OR6Y1: variants seen among roughly 807,000 people sequenced by gnomAD.
OR6Y1 encodes the protein olfactory receptor 6Y1.
In OR6Y1, 1 loss-of-function variant was observed where a neutral mutation model predicts 0.4. The ratio of observed to expected loss-of-function variants is 2.74; its 90% confidence interval spans 0.97 to 13.02. OR6Y1 has a LOEUF of 13.02. Among genes scored for constraint, OR6Y1 ranks in the 30% most tolerant of loss-of-function variants. The pLI is 0.12. For synonymous variants in OR6Y1, 173 were observed against 141.1 expected (o/e 1.23, Z -1.60); for missense variants, 480 against 399.8 (o/e 1.20, Z -1.71).
chr1:158,552,541 T>C (rs180816743), intron 1 of OR6Y1, among the ~76,000 whole-genome samples: 464 of 152,170 alleles, frequency 3.0e-3, no homozygotes, highest in Non-Finnish European at 3.6e-3. Context: ...ATAATGGGTC[T>C]AGGAAATGAC....
chr1:158,547,747 A>G lies in OR6Y1; in HGVS notation c.359T>C (p.Leu120Pro). The G allele has an allele frequency of 6.2e-7, 1 of 1,613,656 alleles. No individual in the cohort carries two copies. Residue 120 changes from leucine to proline, a missense_variant, in exon 2 of 2, where the codon CTT becomes CCT. Physicochemically the swap from Leu to Pro is moderately conservative, Grantham distance 98 (BLOSUM62 -3). Coordinates refer to ENST00000641622, the MANE Select transcript of OR6Y1 (RefSeq NM_001005189.2). ...ATAGCGGTCAAAGGCCATGATAGCA[A>G]GAAGGATGTACTCAGTGCAGACAAA... is the stretch of plus-strand genomic sequence containing the variant. ...VTFVCTEYIL[L>P]AIMAFDRYVA...
chr1:158,548,530 T>C lies in OR6Y1; in HGVS notation c.-425A>G. ...TCTCTAGGGGCAATTTGGGTGACTC[T>C]GGAGTGGTTGCATGACCCCACTTAT... On this transcript the variant is annotated 5_prime_UTR_variant, in exon 2 of 2. Coordinates refer to ENST00000641622, the MANE Select transcript of OR6Y1 (RefSeq NM_001005189.2). The C allele has an allele frequency of 6.1e-6, 1 of 162,930 alleles. No homozygotes were observed. Among genetic ancestry groups the C allele is most frequent in the Non-Finnish European group, 1.3e-5 (1 of 74,642 alleles). 10.1% of individuals were successfully genotyped at this position (162,930 alleles called of 1,614,324 possible).
chr1:158,552,240 G>GTGTATA lies in OR6Y1; in HGVS notation c.-1433+2025_-1433+2026insTATACA, dbSNP rs1553215920. 6.2e-4 allele frequency among the ~76,000 whole-genome samples: 87 copies of GTGTATA among 139,314 alleles called. 1 individual carries two copies. Among genetic ancestry groups the GTGTATA allele is most frequent in the Middle Eastern group, 3.7e-3 (1 of 272 alleles). 91.4% of individuals were successfully genotyped at this position (139,314 alleles called of 152,430 possible). A position where few individuals can be genotyped will look rare whatever the true frequency, so the allele number is the denominator to read the frequency against. ...TATGTATGTATGGAGATATATATAT[G>GTGTATA]TATATATATATATATATATATGGCC... On this transcript the variant is annotated intron_variant, in intron 1 of 1. Coordinates refer to ENST00000641622, the MANE Select transcript of OR6Y1 (RefSeq NM_001005189.2).
rs1336676836 is a variant in OR6Y1 at position 158,544,888 on chromosome 1, A to G, written c.*2240T>C. Reference sequence around the variant, plus strand: ...ATCTAATTTTTTTTTATGGCTGCATAGTATTTCATGTTGTATATGTAGCAC... The same window carrying G: ...ATCTAATTTTTTTTTATGGCTGCATGGTATTTCATGTTGTATATGTAGCAC... On this transcript the variant is annotated 3_prime_UTR_variant, in exon 2 of 2. Coordinates refer to ENST00000641622, the MANE Select transcript of OR6Y1 (RefSeq NM_001005189.2). The G allele has an allele frequency of 1.3e-5, 2 of 152,156 alleles. No homozygotes were observed. The highest frequency in any genetic ancestry group is 2.9e-5 in the Non-Finnish European group (2 of 68,036). 9.4% of individuals were successfully genotyped at this position (152,156 alleles called of 1,614,324 possible).
chr1:158,551,460 A>G (rs1319616042), intron 1 of OR6Y1, among the ~76,000 whole-genome samples: 1 of 151,788 alleles, frequency 6.6e-6, no homozygotes, highest in Non-Finnish European at 1.5e-5. Flanking sequence ...AAACAACTAT[A>G]TAGTGGCAGA....
rs1443410068 is a variant in OR6Y1, at chr1:158,546,061, A to T, written c.*1067T>A. 2 of 152,184 alleles carry T rather than the reference A, an allele frequency of 1.3e-5. No homozygotes were observed. The highest frequency in any genetic ancestry group is 4.8e-5 in the African/African-American group (2 of 41,438). The allele number at this position is 152,184 out of a possible 1,614,324, so 9.4% of individuals were successfully genotyped here. A position where few individuals can be genotyped will look rare whatever the true frequency, so the allele number is the denominator to read the frequency against. ...TTCTTCCTTAGCTTATAGATGCATT[A>T]CTGCAGAAACATGGTTGCTCTCTGC... On this transcript the variant is annotated 3_prime_UTR_variant, in exon 2 of 2. Coordinates refer to ENST00000641622, the MANE Select transcript of OR6Y1 (RefSeq NM_001005189.2).
At chr1:158,550,521 G>A (rs1264351082) in intron 1 of OR6Y1, among the ~76,000 whole-genome samples, 1 of 151,040 alleles carries the variant, frequency 6.6e-6, no homozygotes, top group Non-Finnish European at 1.5e-5. Context: ...AAGCAGAAGA[G>A]GAAAACAATT....
intron 1 of OR6Y1, among the ~76,000 whole-genome samples, chr1:158,550,619 T>C (rs1337401806): frequency 6.6e-6 from 1 of 151,644 alleles, no homozygotes; most frequent in Non-Finnish European, 1.5e-5. Context: ...TTAAAGTTAA[T>C]GTATAAAGAG....
chr1:158,550,618 A>G (rs1647677470), intron 1 of OR6Y1, among the ~76,000 whole-genome samples: 1 of 151,652 alleles, frequency 6.6e-6, no homozygotes, highest in Admixed American at 6.6e-5. Flanking sequence ...GTTAAAGTTA[A>G]TGTATAAAGA....
Position 158,548,249 on chromosome 1 carries a change from T to A in OR6Y1, c.-144A>T. The A allele has an allele frequency of 1.3e-6, 1 of 747,576 alleles. No individual in the cohort carries two copies. 46.3% of individuals were successfully genotyped at this position (747,576 alleles called of 1,614,324 possible). On this transcript the variant is annotated 5_prime_UTR_variant, in exon 2 of 2. Transcript: ENST00000641622. Reference sequence around the variant, plus strand: ...TTTTATCTTACTGCCTCTTGAATTATGAAGAGAACCAAAGCTTTTGAGAAA... The same window carrying A: ...TTTTATCTTACTGCCTCTTGAATTAAGAAGAGAACCAAAGCTTTTGAGAAA...
Position 158,548,706 on chromosome 1 carries a change from A to T in OR6Y1, c.-601T>A, listed in dbSNP as rs1647621359. The T allele has an allele frequency of 6.6e-6, 1 of 152,376 alleles. No homozygotes were observed. The highest frequency in any genetic ancestry group is 2.1e-4 in the South Asian group (1 of 4,836). The allele number at this position is 152,376 out of a possible 1,614,324, so 9.4% of individuals were successfully genotyped here. On this transcript the variant is annotated 5_prime_UTR_variant, in exon 2 of 2. Transcript: ENST00000641622. The stretch of plus-strand genomic sequence containing the variant: ...TTCAGAGAACAAAATTGAATGGATA[A>T]CATGAAGGGTAATAGTTTCTTCAAT...
intron 1 of OR6Y1, among the ~76,000 whole-genome samples, chr1:158,551,761 C>G (rs1482920025): frequency 6.6e-6 from 1 of 151,492 alleles, no homozygotes; most frequent in Non-Finnish European, 1.5e-5. Flanking sequence ...CACACACACA[C>G]ACACAAACAC....
chr1:158,549,675 G>A (rs187469195), intron 1 of OR6Y1, 138 bp from the exon 2 acceptor site: 23 of 151,874 alleles, frequency 1.5e-4, no homozygotes, highest in Admixed American at 1.5e-3. Context: ...TATAGTTCCT[G>A]AGAAACACAT....
chr1:158,553,828 G>A (rs1032580941), intron 1 of OR6Y1, among the ~76,000 whole-genome samples: 11 of 152,106 alleles, frequency 7.2e-5, no homozygotes, highest in Non-Finnish European at 1.2e-4. Context: ...GCAGAGTTGG[G>A]CAGATGCATT....
chr1:158,546,292 A>G lies in OR6Y1; in HGVS notation c.*836T>C, dbSNP rs1256439104. On this transcript the variant is annotated 3_prime_UTR_variant, in exon 2 of 2. Coordinates refer to ENST00000641622, the MANE Select transcript of OR6Y1 (RefSeq NM_001005189.2). Reference sequence around the variant, plus strand: ...ACATACTTTTTTGGAGGGAGGGAGGAGTGGGACATAACTTTGCCCATAACA... The same window carrying G: ...ACATACTTTTTTGGAGGGAGGGAGGGGTGGGACATAACTTTGCCCATAACA... The G allele has an allele frequency of 1.3e-5, 2 of 152,158 alleles. No homozygotes were observed. Among genetic ancestry groups the G allele is most frequent in the African/African-American group, 4.8e-5 (2 of 41,424 alleles). 9.4% of individuals were successfully genotyped at this position (152,158 alleles called of 1,614,324 possible).
Position 158,546,210 on chromosome 1 carries a change from A to G in OR6Y1, c.*918T>C, listed in dbSNP as rs1325635342. ...GCAGTCAAATTTTAGCTCGATTACC[A>G]CTATAAAAACCCTACTTTCAAATAT... On this transcript the variant is annotated 3_prime_UTR_variant, in exon 2 of 2. Transcript: ENST00000641622. The G allele has an allele frequency of 6.6e-6, 1 of 151,874 alleles. No individual in the cohort carries two copies. The highest frequency in any genetic ancestry group is 2.4e-5 in the African/African-American group (1 of 41,184). The allele number at this position is 151,874 out of a possible 1,614,324, so 9.4% of individuals were successfully genotyped here. A position where few individuals can be genotyped will look rare whatever the true frequency, so the allele number is the denominator to read the frequency against.
rs1328782316 is a variant in OR6Y1 at position 158,547,174 on chromosome 1, T to G, written c.932A>C (p.His311Pro). ...EVKAALRKTI[H>P]CRGSGPQGNG... The stretch of plus-strand genomic sequence containing the variant: ...TCCCTGGGGCCCACTTCCTCTGCAA[T>G]GTATGGTCTTTCTGAGGGCTGCCTT... The change falls in exon 2 of 2, where the codon CAT becomes CCT. Residue 311 changes from histidine (H) to proline (P), a missense_variant. By Grantham distance (77) the His-to-Pro change is moderately conservative. Transcript: ENST00000641622. 5.0e-6 allele frequency: 8 copies of G among 1,613,504 alleles called. No homozygotes were observed. Among genetic ancestry groups the G allele is most frequent in the Non-Finnish European group, 6.8e-6 (8 of 1,179,908 alleles).
At chr1:158,553,425 T>C (rs1301783766) in intron 1 of OR6Y1, among the ~76,000 whole-genome samples, 1 of 152,160 alleles carries the variant, frequency 6.6e-6, no homozygotes, top group Non-Finnish European at 1.5e-5. Flanking sequence ...ATACTGAATG[T>C]TCCCAACACT....
In OR6Y1 at chr1:158,547,647, G is replaced by A. The variant is rs1304034268; in HGVS notation, c.459C>T (p.Cys153=). The A allele has an allele frequency of 1.9e-6, 3 of 1,613,438 alleles. No individual in the cohort carries two copies. Among genetic ancestry groups the A allele is most frequent in the Non-Finnish European group, 2.5e-6 (3 of 1,179,976 alleles). The change falls in exon 2 of 2, where the codon TGC becomes TGT. Residue 153 remains cysteine, a synonymous_variant. Transcript: ENST00000641622. ...TGGCAGTCATGAGTCCACAGAACCA[G>A]CATCCTCCAGCCAGTGTGCCACAGA... The part of the protein sequence containing the change: ...NQLCGTLAGG[C]WFCGLMTAMI...
Sources: allele counts gnomAD v4.1 joint callset (sites outside exome capture counted in the v4.1 genomes callset), GRCh38; gene constraint gnomAD v4.1.1; transcripts MANE v1.5; gene names NCBI Gene and HGNC (gene_info 2026-07-23, HGNC 2026-07-21).